The following PRELID2 variants were observed in gnomAD, a reference collection of about 807,000 sequenced individuals.
The protein encoded by PRELID2 is PRELI domain-containing protein 2.
In PRELID2, 25 loss-of-function variants were observed where a neutral mutation model predicts 28.4. The ratio of observed to expected loss-of-function variants is 0.88; its 90% CI spans 0.64 to 1.23. The LOEUF is 1.23. Ranked by LOEUF, PRELID2 falls within the 50% of genes most tolerant of loss-of-function variation. The pLI is 0.00. For synonymous variants in PRELID2, 76 were observed against 71.6 expected (o/e 1.06, Z -0.31); for missense variants, 201 against 214.4 (o/e 0.94, Z 0.39).
At chr5:145,697,033 TTATATA>T (rs36117637) in intron 1 of PRELID2, among the ~76,000 whole-genome samples, 7,997 of 50,178 alleles carry the variant, frequency 0.16, 748 homozygotes, top group Non-Finnish European at 0.21. Flanking sequence ...GAGAGGAAAA[TTATATA>T]TATATATATA....
intron 1 of PRELID2, among the ~76,000 whole-genome samples, chr5:145,698,971 C>A (rs193266625): frequency 6.6e-6 from 1 of 152,194 alleles, no homozygotes; most frequent in African/African-American, 2.4e-5. Flanking sequence ...AGGTGATCCA[C>A]CCGCCTCAGC....
At chr5:145,564,468 G>C (rs1010696172) in intron 1 of PRELID2, among the ~76,000 whole-genome samples, 2 of 152,096 alleles carry the variant, frequency 1.3e-5, no homozygotes, top group African/African-American at 4.8e-5. Flanking sequence ...TGCTTGTCCT[G>C]AACTCTTGGT....
the PRELID2 span, among the ~76,000 whole-genome samples, chr5:145,328,176 G>A: frequency 5.3e-3 from 802 of 152,148 alleles, 6 homozygotes; most frequent in African/African-American, 0.019. Context: ...TCTTTATCCA[G>A]TCTATCGTTG....
chr5:145,478,682 C>T (rs970503969), intron 1 of PRELID2, among the ~76,000 whole-genome samples: 12 of 151,836 alleles, frequency 7.9e-5, no homozygotes, highest in African/African-American at 2.7e-4. Flanking sequence ...TTTTATCTGC[C>T]TCCTCTTACT....
intron 1 of PRELID2, among the ~76,000 whole-genome samples, chr5:145,707,064 G>A (rs1483360927): frequency 6.6e-6 from 1 of 152,194 alleles, no homozygotes; most frequent in Non-Finnish European, 1.5e-5. Context: ...AGGAAATGAG[G>A]ACGTGAAAAA....
the PRELID2 span, among the ~76,000 whole-genome samples, chr5:145,309,042 T>C: frequency 1.8e-4 from 27 of 152,200 alleles, no homozygotes; most frequent in East Asian, 5.0e-3. Flanking sequence ...ACTGGATCAT[T>C]AAAAATTATT....
rs1055957127 is a variant in PRELID2, at chr5:145,760,532, G to A, written c.*11-7C>T. The stretch of plus-strand genomic sequence containing the variant: ...AGACATGGATACAGCTCTCCTGCAA[G>A]AGAAAGCAAACAGGCTTTATCACCT... On this transcript the variant is annotated splice_polypyrimidine_tract_variant and splice_region_variant and intron_variant, in intron 6 of 6. Transcript: ENST00000683046. The A allele has an allele frequency of 1.2e-4, 18 of 152,218 alleles. No individual in the cohort carries two copies. The highest frequency in any genetic ancestry group is 4.1e-4 in the African/African-American group (17 of 41,552). The allele number at this position is 152,218 out of a possible 1,614,324, so 9.4% of individuals were successfully genotyped here.
chr5:145,387,089 A>C, the PRELID2 span, among the ~76,000 whole-genome samples: 1 of 152,236 alleles, frequency 6.6e-6, no homozygotes, highest in Admixed American at 6.5e-5. Context: ...ATAGATATTT[A>C]CATAGCATTC....
chr5:145,431,467 A>C, the PRELID2 span, among the ~76,000 whole-genome samples: 1 of 152,196 alleles, frequency 6.6e-6, no homozygotes, highest in African/African-American at 2.4e-5. Flanking sequence ...CGAATTTCAA[A>C]GGGAAAAGTG....
At chr5:145,833,907 A>G (rs1470763986) in intron 1 of PRELID2, among the ~76,000 whole-genome samples, 1 of 152,254 alleles carries the variant, frequency 6.6e-6, no homozygotes, top group Non-Finnish European at 1.5e-5. Flanking sequence ...AGATGTGGAA[A>G]CTAAGGCCTA....
chr5:145,601,948 G>A (rs964851858), intron 1 of PRELID2, among the ~76,000 whole-genome samples: 1 of 152,162 alleles, frequency 6.6e-6, no homozygotes, highest in African/African-American at 2.4e-5. Context: ...CAGAGTACGT[G>A]ACTAAAATCC....
chr5:145,390,242 C>T, the PRELID2 span, among the ~76,000 whole-genome samples: 10 of 152,254 alleles, frequency 6.6e-5, no homozygotes, highest in South Asian at 6.2e-4. Context: ...AAGTTTCAGA[C>T]CCAAAGAACA....
At chr5:145,250,194 C>T in the PRELID2 span, among the ~76,000 whole-genome samples, 12 of 152,048 alleles carry the variant, frequency 7.9e-5, no homozygotes, top group Admixed American at 1.3e-4. Flanking sequence ...AAGATATTCT[C>T]AAATACACAC....
At chr5:145,246,133 G>C in the PRELID2 span, among the ~76,000 whole-genome samples, 5 of 151,996 alleles carry the variant, frequency 3.3e-5, no homozygotes, top group Non-Finnish European at 5.9e-5. Flanking sequence ...CCTGGTAAAT[G>C]GGAGGATCAA....
chr5:145,263,113 A>T, the PRELID2 span, among the ~76,000 whole-genome samples: 5 of 152,190 alleles, frequency 3.3e-5, no homozygotes, highest in Non-Finnish European at 7.3e-5. Context: ...AAAAATAAAA[A>T]AACTCACCCA....
At chr5:145,478,681 C>T (rs1752129655) in intron 1 of PRELID2, among the ~76,000 whole-genome samples, 1 of 151,980 alleles carries the variant, frequency 6.6e-6, no homozygotes, top group Admixed American at 6.6e-5. Context: ...ATTTTATCTG[C>T]CTCCTCTTAC....
chr5:145,789,094 A>G (rs773151333), intron 5 of PRELID2, among the ~76,000 whole-genome samples: 4 of 152,208 alleles, frequency 2.6e-5, no homozygotes, highest in Admixed American at 6.6e-5. Context: ...TACAGATTCA[A>G]TGCAATCTCT....
chr5:145,313,722 CTTCT>C, the PRELID2 span, among the ~76,000 whole-genome samples: 1 of 152,138 alleles, frequency 6.6e-6, no homozygotes, highest in Non-Finnish European at 1.5e-5. Flanking sequence ...GAATGTTTCT[CTTCT>C]TTCTTTCCCA....
In PRELID2 at chr5:145,482,184, A is replaced by C. The variant is rs540656737; in HGVS notation, n.71-8869T>G. The stretch of plus-strand genomic sequence containing the variant: ...AAGGGGAAAGAACATGTAAGATCCC[A>C]CACAGAAGGATTTTGTGAGCCAGCA... On this transcript the variant is annotated intron_variant and non_coding_transcript_variant, in intron 1 of 2. Transcript: ENST00000510259. Among the ~76,000 whole-genome samples the C allele has an allele frequency of 1.1e-4, 16 of 152,332 alleles. No homozygotes were observed. In the South Asian group the frequency reaches 3.3e-3, roughly 32 times the overall value.
Sources: allele counts gnomAD v4.1 joint callset (sites outside exome capture counted in the v4.1 genomes callset), GRCh38; gene constraint gnomAD v4.1.1; transcripts MANE v1.5; gene names NCBI Gene and HGNC (gene_info 2026-07-23, HGNC 2026-07-21).